SULF1: variants seen among roughly 807,000 people sequenced by gnomAD.
SULF1 encodes the protein sulfatase 1.
Under a neutral mutation model 110.5 loss-of-function variants are expected in SULF1, and 46 were observed. The observed-to-expected ratio is 0.42, with a 90% confidence interval of 0.33 to 0.53. SULF1 has a LOEUF of 0.53. SULF1 is among the 20% of genes least tolerant of loss of function. The pLI is 0.12. For missense variants in SULF1, 941 were observed against 1,094.2 expected (o/e 0.86, Z 1.98); for synonymous variants, 371 against 387.1 (o/e 0.96, Z 0.49).
At chr8:69,528,794 G>C (rs142981555) in intron 3 of SULF1, among the ~76,000 whole-genome samples, 457 of 152,094 alleles carry the variant, frequency 3.0e-3, no homozygotes, top group African/African-American at 0.01. Flanking sequence ...ACCACAGTGG[G>C]TTTGTTGTTG....
chr8:69,651,046 TTTTTC>T (rs1204557118), intron 22 of SULF1, among the ~76,000 whole-genome samples: 4 of 143,662 alleles, frequency 2.8e-5, no homozygotes, highest in Non-Finnish European at 5.9e-5. Context: ...TCTATTCTTT[TTTTTC>T]TTTTCTTTTT....
At chr8:69,473,886 G>A (rs1809194742) in intron 1 of SULF1, among the ~76,000 whole-genome samples, 1 of 152,184 alleles carries the variant, frequency 6.6e-6, no homozygotes, top group African/African-American at 2.4e-5. Flanking sequence ...TTTCCAATCA[G>A]TAAATAGTGT....
intron 5 of SULF1, among the ~76,000 whole-genome samples, chr8:69,575,358 G>A (rs527658608): frequency 2.0e-5 from 3 of 152,202 alleles, no homozygotes; most frequent in Admixed American, 2.0e-4. Context: ...TGCATAAATA[G>A]GTCAAAATAT....
rs1168732479 is a variant in SULF1, at chr8:69,627,425, A to AC, written c.1947+120dup. The AC allele has an allele frequency of 2.1e-5, 13 of 618,638 alleles. No homozygotes were observed. The African/African-American group carries it at 4.3e-4, about 20-fold the overall frequency. The allele number at this position is 618,638 out of a possible 1,614,324, so 38.3% of individuals were successfully genotyped here. A position where few individuals can be genotyped will look rare whatever the true frequency, so the allele number is the denominator to read the frequency against. On this transcript the variant is annotated intron_variant, in intron 16 of 22. Coordinates refer to ENST00000402687, the MANE Select transcript of SULF1 (RefSeq NM_001128205.2). ...ATCATCTATAATTATGTGAAAAAAT[A>AC]CAAAAAAAAAAAGTTATTTGTCTTT...
intron 3 of SULF1, among the ~76,000 whole-genome samples, chr8:69,541,978 G>A (rs2150670613): frequency 6.6e-6 from 1 of 152,334 alleles, no homozygotes; most frequent in South Asian, 2.1e-4. Flanking sequence ...TGGAGAGGGA[G>A]TGGAAGAGGA....
At chr8:69,518,967 C>G (rs889523875) in intron 3 of SULF1, among the ~76,000 whole-genome samples, 2 of 152,166 alleles carry the variant, frequency 1.3e-5, no homozygotes, top group Non-Finnish European at 2.9e-5. Context: ...ACACTCTATC[C>G]TCATCTCTGC....
chr8:69,517,175 T>C (rs1811983019), intron 3 of SULF1, among the ~76,000 whole-genome samples: 1 of 152,166 alleles, frequency 6.6e-6, no homozygotes, highest in African/African-American at 2.4e-5. Flanking sequence ...CAAGCAAGTG[T>C]GCAAGACATA....
At chr8:69,598,473 C>T (rs1807523064) in intron 8 of SULF1, among the ~76,000 whole-genome samples, 1 of 142,262 alleles carries the variant, frequency 7.0e-6, no homozygotes, top group South Asian at 2.3e-4. Flanking sequence ...CTCACTGCAC[C>T]CTCCACCTCT....
At chr8:69,548,448 C>CTTT (rs11420223) in intron 3 of SULF1, among the ~76,000 whole-genome samples, 2 of 138,726 alleles carry the variant, frequency 1.4e-5, no homozygotes, top group Admixed American at 7.3e-5. Context: ...TGGATGTTAA[C>CTTT]TTTTTTTTTT....
intron 3 of SULF1, among the ~76,000 whole-genome samples, chr8:69,534,506 A>G (rs1813306541): frequency 6.6e-6 from 1 of 152,206 alleles, no homozygotes. Flanking sequence ...ATCACCAATC[A>G]CTGAAGTTTT....
chr8:69,660,861 T>C lies in SULF1; in HGVS notation c.*2326T>C, dbSNP rs1415874296. ...GATACTTTTATAGAACAATTCTGGC[T>C]TCAGGAAAGTCTAGAAGCAATATTT... On this transcript the variant is annotated 3_prime_UTR_variant, in exon 23 of 23. Coordinates refer to ENST00000402687, the MANE Select transcript of SULF1 (RefSeq NM_001128205.2). 6.5e-6 allele frequency: 1 copy of C among 152,694 alleles called. No individual in the cohort carries two copies. Among genetic ancestry groups the C allele is most frequent in the Non-Finnish European group, 1.5e-5 (1 of 68,050 alleles). 9.5% of individuals were successfully genotyped at this position (152,694 alleles called of 1,614,324 possible). A position where few individuals can be genotyped will look rare whatever the true frequency, so the allele number is the denominator to read the frequency against.
rs1452612530 is a variant in SULF1 at position 69,660,102 on chromosome 8, T to C, written c.*1567T>C. 1 of 152,606 alleles carries C rather than the reference T, an allele frequency of 6.6e-6. No homozygotes were observed. Among genetic ancestry groups the C allele is most frequent in the Non-Finnish European group, 1.5e-5 (1 of 68,044 alleles). 9.5% of individuals were successfully genotyped at this position (152,606 alleles called of 1,614,324 possible). A position where few individuals can be genotyped will look rare whatever the true frequency, so the allele number is the denominator to read the frequency against. ...GTGCCTAGCCTCAAAGCGTTCATCATACATCATACCTTTAAGATTGCTATA... is the reference window on the plus strand; with the variant it reads ...GTGCCTAGCCTCAAAGCGTTCATCACACATCATACCTTTAAGATTGCTATA... On this transcript the variant is annotated 3_prime_UTR_variant, in exon 23 of 23. Transcript: ENST00000402687.
intron 5 of SULF1, among the ~76,000 whole-genome samples, chr8:69,573,533 A>G (rs1006019821): frequency 1.3e-5 from 2 of 152,198 alleles, no homozygotes; most frequent in Admixed American, 1.3e-4. Context: ...AGGCTCATAA[A>G]GGAAACTGGG....
Position 69,576,029 on chromosome 8 carries a change from A to G in SULF1, c.232A>G (p.Ile78Val), listed in dbSNP as rs1805586370. 3 of 1,614,046 alleles carry G rather than the reference A, an allele frequency of 1.9e-6. No individual in the cohort carries two copies. Among genetic ancestry groups the G allele is most frequent in the Non-Finnish European group, 2.5e-6 (3 of 1,180,034 alleles). The change falls in exon 6 of 23, where the codon ATC becomes GTC. Residue 78 changes from isoleucine to valine, a missense_variant. Coordinates refer to ENST00000402687, the MANE Select transcript of SULF1 (RefSeq NM_001128205.2). ...TATGGAACATGGGGGGGCCACCTTC[A>G]TCAATGCCTTTGTGACTACACCCAT... Reference protein sequence around the residue: ...KIMEHGGATFINAFVTTPMCC... With the variant: ...KIMEHGGATFVNAFVTTPMCC...
chr8:69,641,049 T>C (rs1329702936), intron 22 of SULF1: 1 of 440,668 alleles, frequency 2.3e-6, no homozygotes, highest in African/African-American at 2.0e-5. Flanking sequence ...CATCAAGATG[T>C]TCCAGAGCAT....
chr8:69,496,295 AG>A (rs2150563129), intron 2 of SULF1, among the ~76,000 whole-genome samples: 1 of 152,372 alleles, frequency 6.6e-6, no homozygotes, highest in African/African-American at 2.4e-5. Context: ...AGATTTAAAA[AG>A]CTATTTCCAC....
chr8:69,576,098 C>T lies in SULF1; in HGVS notation c.301C>T (p.His101Tyr). The T allele has an allele frequency of 6.2e-7, 1 of 1,614,184 alleles. No individual in the cohort carries two copies. Among genetic ancestry groups the T allele is most frequent in the Non-Finnish European group, 8.5e-7 (1 of 1,180,030 alleles). The change falls in exon 6 of 23, where the codon CAC (histidine) becomes TAC (tyrosine). Residue 101 changes from histidine to tyrosine, a missense_variant. Transcript: ENST00000402687. The stretch of plus-strand genomic sequence containing the variant: ...CTCCATGCTCACCGGGAAGTATGTG[C>T]ACAATCACAATGTCTACACCAACAA... ...RSSMLTGKYV[H>Y]NHNVYTNNEN...
chr8:69,508,462 C>A (rs1283918886), intron 3 of SULF1, among the ~76,000 whole-genome samples: 1 of 152,038 alleles, frequency 6.6e-6, no homozygotes, highest in African/African-American at 2.4e-5. Context: ...TTGTCAGCAC[C>A]ATCAGAAGTT....
chr8:69,582,262 T>C (rs976722995), intron 6 of SULF1, among the ~76,000 whole-genome samples: 1 of 151,970 alleles, frequency 6.6e-6, no homozygotes, highest in African/African-American at 2.4e-5. Flanking sequence ...AAATAAGTAG[T>C]AGTGGGGAAG....
Sources: gnomAD v4.1 joint callset for allele counts (sites outside exome capture counted in the v4.1 genomes callset) on GRCh38, gnomAD v4.1.1 for gene constraint, MANE v1.5 for transcripts, NCBI Gene and HGNC (gene_info 2026-07-23, HGNC 2026-07-21) for gene names.